Variants in CLIP1 observed in about 807,000 individuals in gnomAD.
The protein encoded by CLIP1 is CAP-Gly domain containing linker protein 1, also known as CAP-Gly domain-containing linker protein 1.
Under a neutral mutation model 161.6 loss-of-function variants are expected in CLIP1, and 66 were observed. The ratio of observed to expected loss-of-function variants is 0.41; its 90% confidence interval spans 0.33 to 0.50. CLIP1 has a LOEUF of 0.50. CLIP1 is among the 20% of genes least tolerant of loss of function. The pLI, the probability that CLIP1 is intolerant of heterozygous loss-of-function variation, is 0.27. For missense variants in CLIP1, 1,376 were observed against 1,702.0 expected (o/e 0.81, Z 3.37); for synonymous variants, 598 against 626.2 (o/e 0.96, Z 0.67).
chr12:122,330,269 C>G (rs1158254833), intron 15 of CLIP1, among the ~76,000 whole-genome samples: 2 of 152,170 alleles, frequency 1.3e-5, no homozygotes, highest in Admixed American at 1.3e-4. Context: ...AGGCACTGAG[C>G]CACCACTACC....
intron 1 of CLIP1, among the ~76,000 whole-genome samples, chr12:122,390,042 C>A (rs1037634502): frequency 6.7e-6 from 1 of 148,958 alleles, no homozygotes; most frequent in East Asian, 2.0e-4. Context: ...GCGCCTGTTC[C>A]CCCTTTGCCT....
chr12:122,353,938 G>T (rs930739705), intron 7 of CLIP1, among the ~76,000 whole-genome samples: 2 of 151,914 alleles, frequency 1.3e-5, no homozygotes. Flanking sequence ...ATCAGGCCAT[G>T]TCTAAATGAT....
At chr12:122,405,631 T>G (rs1011451912) in intron 1 of CLIP1, among the ~76,000 whole-genome samples, 3 of 150,012 alleles carry the variant, frequency 2.0e-5, no homozygotes, top group Non-Finnish European at 4.4e-5. Context: ...TTTACTAAAA[T>G]ACAAAAATTA....
chr12:122,356,581 TAAAG>T (rs1405530518), intron 5 of CLIP1, among the ~76,000 whole-genome samples: 1 of 152,110 alleles, frequency 6.6e-6, no homozygotes, highest in Non-Finnish European at 1.5e-5. Context: ...TTCTGGTTAT[TAAAG>T]AATGAATTGG....
intron 3 of CLIP1, among the ~76,000 whole-genome samples, chr12:122,376,533 C>T (rs1441131569): frequency 6.6e-6 from 1 of 152,058 alleles, no homozygotes; most frequent in African/African-American, 2.4e-5. Flanking sequence ...GTGGCGCAAT[C>T]TCGGCTCACT....
At position 122,272,741 on chromosome 12, in the gene CLIP1, A is replaced by C; in HGVS notation, c.*134T>G. The C allele has an allele frequency of 1.4e-6, 1 of 739,398 alleles. No individual in the cohort carries two copies. The highest frequency in any genetic ancestry group is 2.3e-6 in the Non-Finnish European group (1 of 436,942). The allele number at this position is 739,398 out of a possible 1,614,324, so 45.8% of individuals were successfully genotyped here. On this transcript the variant is annotated 3_prime_UTR_variant, in exon 26 of 26. Transcript: ENST00000620786. ...TAAAGGGCAATTTGTTGAAGATCAAAATATTTTCCTAGATTTGTTGACGGG... is the reference window on the plus strand; with the variant it reads ...TAAAGGGCAATTTGTTGAAGATCAACATATTTTCCTAGATTTGTTGACGGG...
At chr12:122,315,727 G>A (rs1324294584) in intron 19 of CLIP1, among the ~76,000 whole-genome samples, 10 of 149,464 alleles carry the variant, frequency 6.7e-5, no homozygotes, top group African/African-American at 9.9e-5. Flanking sequence ...TGCAAACTCC[G>A]CCTCCCGGGT....
At position 122,377,424 on chromosome 12, in the gene CLIP1, C is replaced by G. The variant is rs377212401; in HGVS notation, c.622G>C (p.Gly208Arg). ...TCTCCGATTTTGAGCTCTCTTTCTC[C>G]TTTCTTGATTGAGCCAGCCTCTGAA... The part of the protein sequence containing the change: ...NLSEAGSIKK[G>R]ERELKIGDRV... Residue 208 changes from glycine (G) to arginine (R), a missense_variant, in exon 3 of 26, where the codon GGA becomes CGA. Around this residue, in one of 6 missense-constraint regions of CLIP1, gnomAD observed 211 missense variants for 295.1 expected, o/e 0.72. Transcript: ENST00000620786. The G allele has an allele frequency of 1.2e-6, 2 of 1,614,016 alleles. No homozygotes were observed. The highest frequency in any genetic ancestry group is 1.7e-6 in the Non-Finnish European group (2 of 1,179,998).
chr12:122,361,311 AC>A, intron 4 of CLIP1, 130 bp from the exon 5 acceptor site: 8 of 717,932 alleles, frequency 1.1e-5, no homozygotes, highest in Non-Finnish European at 1.6e-5. Context: ...AGCTGGGGTT[AC>A]ACACCAGCAC....
At chr12:122,349,858 G>A (rs1351259184) in intron 9 of CLIP1, among the ~76,000 whole-genome samples, 5 of 152,080 alleles carry the variant, frequency 3.3e-5, no homozygotes, top group African/African-American at 1.2e-4. Flanking sequence ...CCTTCAGAAC[G>A]AAGACCTTTT....
intron 12 of CLIP1, among the ~76,000 whole-genome samples, chr12:122,335,021 T>C (rs1033698737): frequency 6.6e-6 from 1 of 152,208 alleles, no homozygotes; most frequent in African/African-American, 2.4e-5. Flanking sequence ...TGCACGTGCA[T>C]GCTTCATGTT....
rs959585803 is a variant in CLIP1 at position 122,358,078 on chromosome 12, A to C, written c.1006-2766T>G. ...AAGAGGTAGACATGGGAGACTTTTC[A>C]TTTTGCTCTGTACTAAGAAAAATTC... On this transcript the variant is annotated intron_variant, in intron 5 of 25. Transcript: ENST00000620786. 1.0e-3 allele frequency among the ~76,000 whole-genome samples: 159 copies of C among 152,238 alleles called. 1 individual carries two copies. The highest frequency in any genetic ancestry group is 1.9e-3 in the Non-Finnish European group (129 of 68,040).
intron 1 of CLIP1, among the ~76,000 whole-genome samples, chr12:122,384,965 G>A (rs750794642): frequency 4.9e-5 from 7 of 143,208 alleles, no homozygotes; most frequent in Non-Finnish European, 9.0e-5. Flanking sequence ...AGACAGTCTC[G>A]CTCTGTCGCC....
At chr12:122,382,262 G>A (rs1239717574) in intron 1 of CLIP1, among the ~76,000 whole-genome samples, 1 of 151,868 alleles carries the variant, frequency 6.6e-6, no homozygotes, top group African/African-American at 2.4e-5. Flanking sequence ...TCGAGAGGCT[G>A]CAGCAGGAGA....
chr12:122,338,314 A>G (rs546272623), intron 11 of CLIP1, among the ~76,000 whole-genome samples: 3 of 152,276 alleles, frequency 2.0e-5, no homozygotes, highest in East Asian at 1.9e-4. Flanking sequence ...GTCTTAAAAA[A>G]TAAATAAATA....
intron 9 of CLIP1, among the ~76,000 whole-genome samples, 164 bp from the exon 10 acceptor site, chr12:122,347,643 C>T (rs1320815196): frequency 6.6e-6 from 1 of 151,900 alleles, no homozygotes; most frequent in Admixed American, 6.6e-5. Context: ...ATGAGGTGGG[C>T]AGTGAGGATG....
chr12:122,300,109 C>A (rs868196455), intron 20 of CLIP1, among the ~76,000 whole-genome samples: 7 of 152,052 alleles, frequency 4.6e-5, no homozygotes, highest in Middle Eastern at 3.4e-3. Flanking sequence ...ACAAACAAAC[C>A]AACCTGAAAA....
chr12:122,358,436 T>TA (rs1189999010), intron 5 of CLIP1, among the ~76,000 whole-genome samples: 4,397 of 94,822 alleles, frequency 0.046, 118 homozygotes, highest in African/African-American at 0.12. Flanking sequence ...AATGAACAAT[T>TA]AAAAAAAAAA....
At chr12:122,306,372 G>C (rs1404320831) in intron 20 of CLIP1, among the ~76,000 whole-genome samples, 1 of 152,180 alleles carries the variant, frequency 6.6e-6, no homozygotes, top group African/African-American at 2.4e-5. Flanking sequence ...AAAATGGAAA[G>C]AGCAGTCACA....
Sources: allele counts gnomAD v4.1 joint callset (sites outside exome capture counted in the v4.1 genomes callset), GRCh38; gene constraint gnomAD v4.1.1; regional missense constraint gnomAD v4.1.1; transcripts MANE v1.5; gene names NCBI Gene and HGNC (gene_info 2026-07-23, HGNC 2026-07-21).